The following ITPR1 variants were observed in gnomAD, a reference collection of about 807,000 sequenced individuals.
ITPR1 encodes inositol 1,4,5-trisphosphate-gated calcium channel ITPR1.
Under a neutral mutation model 318.4 loss-of-function variants are expected in ITPR1, and 96 were observed. The observed-to-expected ratio is 0.30, with a 90% CI of 0.26 to 0.36. The LOEUF is 0.36. ITPR1 is among the 10% of genes least tolerant of loss of function. The probability of loss-of-function intolerance (pLI) is 1.00; values close to 1 mark genes in which losing one functional copy is unlikely to be tolerated. For synonymous variants in ITPR1, 1,312 were observed against 1,289.9 expected (o/e 1.02, Z -0.37); for missense variants, 2,440 against 3,460.2 (o/e 0.71, Z 7.40).
rs61757108 is a variant in ITPR1 at position 4,691,236 on chromosome 3, C to T, written c.3921C>T (p.His1307=). Reference sequence around the variant, plus strand: ...AGAGAGTTGTTCAGCACTTCGTTCACTGCATAGAGACTCACGGTCGGAATG... The same window carrying T: ...AGAGAGTTGTTCAGCACTTCGTTCATTGCATAGAGACTCACGGTCGGAATG... The part of the protein sequence containing the change: ...INERVVQHFV[H]CIETHGRNVQ... The change falls in exon 32 of 62, where the codon CAC becomes CAT. Residue 1307 remains histidine (H), a synonymous_variant. Coordinates refer to ENST00000649015, the MANE Select transcript of ITPR1 (RefSeq NM_001378452.1). The T allele has an allele frequency of 3.8e-4, 618 of 1,612,902 alleles. 1 individual carries two copies. The highest frequency in any genetic ancestry group is 4.8e-4 in the Non-Finnish European group (562 of 1,179,026).
At chr3:4,714,828 C>G (rs1211787855) in intron 39 of ITPR1, among the ~76,000 whole-genome samples, 1 of 152,210 alleles carries the variant, frequency 6.6e-6, no homozygotes, top group African/African-American at 2.4e-5. Context: ...CTGTTTGGGT[C>G]TCCCTGCCTT....
At chr3:4,650,566 T>C (rs927492096) in intron 10 of ITPR1, among the ~76,000 whole-genome samples, 2 of 152,018 alleles carry the variant, frequency 1.3e-5, no homozygotes, top group Non-Finnish European at 2.9e-5. Flanking sequence ...ATTTTTCTTT[T>C]TTATTTCTAG....
In ITPR1 at chr3:4,835,478, G is replaced by A. The variant is rs568491316; in HGVS notation, c.8029-1296G>A. ...TGAGTAGTTGTGACAGAGACCAGGT[G>A]GCCCACAAAGCTGAAAATATTGACA... On this transcript the variant is annotated intron_variant, in intron 60 of 61. Transcript: ENST00000649015. 7.9e-5 allele frequency among the ~76,000 whole-genome samples: 12 copies of A among 152,250 alleles called. No individual in the cohort carries two copies. In the South Asian group the frequency reaches 2.3e-3, roughly 29 times the overall value.
At chr3:4,535,768 A>C (rs1321037789) in intron 4 of ITPR1, among the ~76,000 whole-genome samples, 1 of 151,894 alleles carries the variant, frequency 6.6e-6, no homozygotes, top group Non-Finnish European at 1.5e-5. Context: ...TCTCTCCAAA[A>C]TCTGGGCATT....
intron 4 of ITPR1, among the ~76,000 whole-genome samples, chr3:4,538,559 G>A (rs1396822672): frequency 6.6e-6 from 1 of 152,060 alleles, no homozygotes; most frequent in African/African-American, 2.4e-5. Context: ...TAAACCCAAG[G>A]GAATATAAAT....
intron 4 of ITPR1, among the ~76,000 whole-genome samples, chr3:4,535,949 A>G (rs1009091967): frequency 1.3e-5 from 2 of 152,118 alleles, no homozygotes; most frequent in Non-Finnish European, 2.9e-5. Context: ...CTTTTCATCT[A>G]CTTATCAAGA....
chr3:4,513,909 A>C (rs1045111382), intron 2 of ITPR1, among the ~76,000 whole-genome samples: 3 of 152,054 alleles, frequency 2.0e-5, no homozygotes, highest in Admixed American at 6.6e-5. Flanking sequence ...AACATGGCAA[A>C]ACCCCATCTC....
chr3:4,550,242 A>T (rs1399270260), intron 4 of ITPR1, among the ~76,000 whole-genome samples: 4 of 152,078 alleles, frequency 2.6e-5, no homozygotes, highest in Non-Finnish European at 5.9e-5. Context: ...TTTCCAGCAC[A>T]TGTGCTGTTT....
chr3:4,844,676 A>G (rs902864885), intron 61 of ITPR1, among the ~76,000 whole-genome samples: 10 of 152,198 alleles, frequency 6.6e-5, no homozygotes, highest in Non-Finnish European at 1.3e-4. Context: ...GTAGTGTGTA[A>G]CACTTCCTTT....
intron 61 of ITPR1, among the ~76,000 whole-genome samples, chr3:4,841,370 G>C (rs73098093): frequency 0.012 from 1,838 of 152,266 alleles, 28 homozygotes; most frequent in African/African-American, 0.037. Context: ...AAATGCAGTA[G>C]GGGGCTTCCC....
intron 15 of ITPR1, 45 bp from the exon 16 acceptor site, chr3:4,663,020 T>C (rs1416500989): frequency 6.9e-6 from 11 of 1,588,368 alleles, no homozygotes; most frequent in Non-Finnish European, 8.6e-6. Context: ...TCCAGCCTGC[T>C]GAACACTGAA....
At chr3:4,582,628 C>A (rs1011900695) in intron 4 of ITPR1, among the ~76,000 whole-genome samples, 2 of 152,230 alleles carry the variant, frequency 1.3e-5, no homozygotes, top group Admixed American at 6.5e-5. Context: ...AGAGAGGATT[C>A]ATTCTGGAAC....
chr3:4,831,106 G>C (rs193146476), intron 60 of ITPR1: 3 of 395,674 alleles, frequency 7.6e-6, no homozygotes, highest in African/African-American at 4.5e-5. Context: ...GTCTGTCTTT[G>C]TCTCTCTCTC....
rs529100375 is a variant in ITPR1, at chr3:4,551,118, C to G, written c.163+30024C>G. Among the ~76,000 whole-genome samples the G allele has an allele frequency of 3.9e-5, 6 of 152,302 alleles. No individual in the cohort carries two copies. In the East Asian group the frequency reaches 5.8e-4, roughly 15 times the overall value. ...AGCAACTTGGAAGAGAAGATACCAG[C>G]TGCGGCATCTCATAGTGGAGGTTTG... On this transcript the variant is annotated intron_variant, in intron 4 of 61. Coordinates refer to ENST00000649015, the MANE Select transcript of ITPR1 (RefSeq NM_001378452.1).
chr3:4,815,550 A>T (rs2049236188), intron 59 of ITPR1, among the ~76,000 whole-genome samples: 1 of 152,186 alleles, frequency 6.6e-6, no homozygotes, highest in African/African-American at 2.4e-5. Context: ...CATTATTGTG[A>T]GAATTATGAG....
chr3:4,582,661 C>T (rs539210010), intron 4 of ITPR1, among the ~76,000 whole-genome samples: 5 of 152,316 alleles, frequency 3.3e-5, no homozygotes, highest in Admixed American at 6.5e-5. Context: ...GACTGGACAA[C>T]GTATTCTTTC....
intron 44 of ITPR1, among the ~76,000 whole-genome samples, chr3:4,764,460 C>T (rs2125369395): frequency 6.6e-6 from 1 of 152,358 alleles, no homozygotes; most frequent in Non-Finnish European, 1.5e-5. Flanking sequence ...CTGGAAACCA[C>T]TCAGGCGAGG....
At chr3:4,845,297 G>A (rs1246534416) in intron 61 of ITPR1, among the ~76,000 whole-genome samples, 2 of 152,124 alleles carry the variant, frequency 1.3e-5, no homozygotes, top group African/African-American at 4.8e-5. Context: ...TGACTTGAAT[G>A]CTCACCCTAA....
chr3:4,750,278 G>C (rs1329191647), intron 44 of ITPR1: 1 of 151,806 alleles, frequency 6.6e-6, no homozygotes, highest in Non-Finnish European at 1.5e-5. Context: ...ACTTGACCCT[G>C]TGGGTTCCTA....
Sources: gnomAD v4.1 joint callset for allele counts (sites outside exome capture counted in the v4.1 genomes callset) on GRCh38, gnomAD v4.1.1 for gene constraint, MANE v1.5 for transcripts, NCBI Gene and HGNC (gene_info 2026-07-23, HGNC 2026-07-21) for gene names.